KLHL13: variants seen among roughly 807,000 people sequenced by gnomAD.
KLHL13 encodes the protein kelch-like protein 13.
KLHL13 carries 10 observed loss-of-function variants against 37.1 expected under a neutral mutation model. That is an observed-to-expected ratio of 0.27 (90% confidence interval 0.17 to 0.46). The LOEUF is 0.46. Among genes scored for constraint, KLHL13 ranks in the 20% least tolerant of loss-of-function variants. The pLI is 1.00. For synonymous variants in KLHL13, 163 were observed against 181.2 expected (o/e 0.90, Z 0.81); for missense variants, 360 against 509.3 (o/e 0.71, Z 2.82).
intron 1 of KLHL13, among the ~76,000 whole-genome samples, chrX:118,084,098 T>C (rs1328829389): frequency 3.6e-5 from 4 of 111,103 alleles, no homozygotes; most frequent in Non-Finnish European, 7.6e-5. Context: ...GGTAGGCGGA[T>C]TGTTTGAGGC....
chrX:117,976,431 A>G (rs1053180836), upstream of KLHL13, among the ~76,000 whole-genome samples: 8 of 112,398 alleles, frequency 7.1e-5, no homozygotes, highest in Non-Finnish European at 1.5e-4. Context: ...ACAAGTTGGC[A>G]GCATCCAAAC....
intron 1 of KLHL13, among the ~76,000 whole-genome samples, chrX:118,094,043 T>A (rs185226372): frequency 9.3e-6 from 1 of 107,916 alleles, no homozygotes; most frequent in African/African-American, 3.4e-5. Context: ...CTTTGACGAG[T>A]TGAGAGAAGA....
rs116060337 is a variant in KLHL13, at chrX:118,066,015, G to A, written c.-56+50493C>T. Reference sequence around the variant, plus strand: ...TAAACTGTGCTTAGAGAAAAACCAAGTAGAATTGTTACAAAGCAGACAGAA... The same window carrying A: ...TAAACTGTGCTTAGAGAAAAACCAAATAGAATTGTTACAAAGCAGACAGAA... On this transcript the variant is annotated intron_variant, in intron 1 of 6. Coordinates refer to the KLHL13 transcript ENST00000371882. Among the ~76,000 whole-genome samples, 491 of 111,683 alleles carry A rather than the reference G, an allele frequency of 4.4e-3. 2 individuals carry two copies. The highest frequency in any genetic ancestry group is 0.014 in the African/African-American group (439 of 30,773).
At chrX:118,089,057 G>A (rs781294262) in intron 1 of KLHL13, among the ~76,000 whole-genome samples, 2 of 111,617 alleles carry the variant, frequency 1.8e-5, no homozygotes, top group East Asian at 5.6e-4. Flanking sequence ...AGAATATTAG[G>A]ACAGAAAATT....
intron 2 of KLHL13, among the ~76,000 whole-genome samples, chrX:117,940,913 T>C (rs1255492918): frequency 8.9e-6 from 1 of 111,904 alleles, no homozygotes; most frequent in Non-Finnish European, 1.9e-5. Context: ...ACTTCCTCTC[T>C]TCCTATTTGA....
At chrX:118,049,042 T>C (rs1332945182) in intron 1 of KLHL13, among the ~76,000 whole-genome samples, 2 of 111,970 alleles carry the variant, frequency 1.8e-5, no homozygotes, top group African/African-American at 6.5e-5. Flanking sequence ...TGACCTAGCG[T>C]TTAATTAAAA....
chrX:117,978,047 G>A (rs2147918182), upstream of KLHL13, among the ~76,000 whole-genome samples: 1 of 111,045 alleles, frequency 9.0e-6, no homozygotes, highest in Non-Finnish European at 1.9e-5. Context: ...ATAAAAAATG[G>A]AAAATCCCAG....
chrX:118,095,344 T>G (rs1174989814), intron 1 of KLHL13, among the ~76,000 whole-genome samples: 1 of 111,170 alleles, frequency 9.0e-6, no homozygotes, highest in Non-Finnish European at 1.9e-5. Context: ...GAGCTAACTC[T>G]CCTAAATATA....
At chrX:118,093,981 C>A (rs919558161) in intron 1 of KLHL13, among the ~76,000 whole-genome samples, 1 of 109,860 alleles carries the variant, frequency 9.1e-6, no homozygotes, top group Non-Finnish European at 1.9e-5. Context: ...GCATTTCCAA[C>A]TGAGGAACGC....
intron 1 of KLHL13, among the ~76,000 whole-genome samples, chrX:118,020,369 C>T (rs1314446094): frequency 1.8e-5 from 2 of 111,643 alleles, no homozygotes; most frequent in African/African-American, 3.3e-5. Flanking sequence ...GCTGAAGTTG[C>T]GTATCAGCTT....
intron 1 of KLHL13, among the ~76,000 whole-genome samples, chrX:117,991,202 A>G: frequency 9.1e-6 from 1 of 110,382 alleles, no homozygotes; most frequent in East Asian, 2.8e-4. Flanking sequence ...ATTTTGGGAC[A>G]CAGAAACAGA....
At chrX:118,065,341 C>T (rs1428869321) in intron 1 of KLHL13, among the ~76,000 whole-genome samples, 1 of 111,250 alleles carries the variant, frequency 9.0e-6, no homozygotes, top group Non-Finnish European at 1.9e-5. Context: ...ATTTTGTGAA[C>T]TTGCAGTAGA....
At chrX:118,099,822 A>AGAAGGAAAGAAGAAAGGAAG (rs1277842058) in intron 1 of KLHL13, among the ~76,000 whole-genome samples, 5 of 106,079 alleles carry the variant, frequency 4.7e-5, no homozygotes, top group African/African-American at 1.0e-4. Context: ...AAGAAAGGAA[A>AGAAGGAAAGAAGAAAGGAAG]GAAGGAAAGA....
chrX:118,018,767 T>C (rs772304593), intron 1 of KLHL13, among the ~76,000 whole-genome samples: 8 of 111,459 alleles, frequency 7.2e-5, no homozygotes, highest in Non-Finnish European at 1.3e-4. Flanking sequence ...TTGTTTGCCA[T>C]TATATCTTCT....
At chrX:118,083,969 AAAT>A (rs2055026232) in intron 1 of KLHL13, among the ~76,000 whole-genome samples, 1 of 111,798 alleles carries the variant, frequency 8.9e-6, no homozygotes, top group South Asian at 3.7e-4. Flanking sequence ...ACAAATGGAG[AAAT>A]AATAAAAAAC....
chrX:117,921,158 G>C (rs1406857414), intron 2 of KLHL13, among the ~76,000 whole-genome samples: 1 of 111,868 alleles, frequency 8.9e-6, no homozygotes, highest in Non-Finnish European at 1.9e-5. Flanking sequence ...CAAATAGACA[G>C]TTGTTCTATT....
At chrX:117,984,433 G>T (rs2053700728) in intron 1 of KLHL13, among the ~76,000 whole-genome samples, 1 of 110,890 alleles carries the variant, frequency 9.0e-6, no homozygotes, top group Non-Finnish European at 1.9e-5. Flanking sequence ...AACTGTCTTG[G>T]TTTTTTCTGG....
intron 1 of KLHL13, among the ~76,000 whole-genome samples, chrX:118,105,814 A>G (rs895960873): frequency 3.6e-5 from 4 of 109,797 alleles, no homozygotes; most frequent in African/African-American, 1.3e-4. Context: ...CCAAATTGCT[A>G]TCACAATTAC....
rs751948359 is a variant in KLHL13 at position 117,898,876 on chromosome X, A to G, written c.*32T>C. 3.0e-5 allele frequency: 35 copies of G among 1,165,201 alleles called. No individual in the cohort carries two copies. The Admixed American group carries it at 4.4e-4, about 15-fold the overall frequency. On this transcript the variant is annotated 3_prime_UTR_variant, in exon 7 of 7. Coordinates refer to ENST00000262820, the Ensembl canonical transcript of KLHL13. ...AGAATTTATGACACATTGCAAAGAT[A>G]GAACTACAGCATCTTAGTTGTAGAG...
Sources: gnomAD v4.1 joint callset for allele counts (sites outside exome capture counted in the v4.1 genomes callset) on GRCh38, gnomAD v4.1.1 for gene constraint, MANE v1.5 for transcripts, NCBI Gene and HGNC (gene_info 2026-07-23, HGNC 2026-07-21) for gene names.